PRELID2: variants seen among roughly 807,000 people sequenced by gnomAD.
The protein encoded by PRELID2 is PRELI domain-containing protein 2.
A neutral mutation model predicts 28.4 loss-of-function variants in PRELID2; 25 were observed. The observed-to-expected ratio is 0.88, with a 90% CI of 0.64 to 1.23. The LOEUF is 1.23. Ranked by LOEUF, PRELID2 falls within the 50% of genes most tolerant of loss-of-function variation. The pLI is 0.00. For missense variants in PRELID2, 201 were observed against 214.4 expected, an observed-to-expected ratio of 0.94 and a Z score of 0.39; for synonymous variants, 76 against 71.6, an observed-to-expected ratio of 1.06 and a Z score of -0.31.
intron 1 of PRELID2, among the ~76,000 whole-genome samples, chr5:145,711,346 C>T (rs77173143): frequency 0.036 from 5,413 of 152,214 alleles, 132 homozygotes; most frequent in Non-Finnish European, 0.053. Flanking sequence ...AACCAAAGTC[C>T]AGAAAATAGT....
At chr5:145,611,164 CA>C (rs1334368988) in intron 1 of PRELID2, among the ~76,000 whole-genome samples, 5 of 151,698 alleles carry the variant, frequency 3.3e-5, no homozygotes, top group Non-Finnish European at 5.9e-5. Flanking sequence ...ACGAATTTAG[CA>C]AGGTCAATTT....
chr5:145,637,266 C>A (rs1042045175), intron 1 of PRELID2, among the ~76,000 whole-genome samples: 1 of 152,154 alleles, frequency 6.6e-6, no homozygotes, highest in African/African-American at 2.4e-5. Flanking sequence ...TCATAAAAAT[C>A]CAATGAAGGA....
At chr5:145,397,293 G>A in the PRELID2 span, among the ~76,000 whole-genome samples, 1 of 152,052 alleles carries the variant, frequency 6.6e-6, no homozygotes, top group African/African-American at 2.4e-5. Flanking sequence ...AAAGTACTCT[G>A]AAAATAAAAA....
chr5:145,506,389 G>A (rs947479704), intron 1 of PRELID2, among the ~76,000 whole-genome samples: 2 of 152,136 alleles, frequency 1.3e-5, no homozygotes, highest in Admixed American at 6.6e-5. Flanking sequence ...GCATGGGTCT[G>A]CTGGTCAGTT....
rs1754276905 is a variant in PRELID2 at position 145,650,563 on chromosome 5, TATATATATATATAG to T, written n.70+114354_70+114367del. Among the ~76,000 whole-genome samples the T allele has an allele frequency of 2.9e-5, 4 of 135,700 alleles. 1 individual carries two copies. The Middle Eastern group carries it at 0.011, about 374-fold the overall frequency. The allele number at this position is 135,700 out of a possible 152,430, so 89.0% of individuals were successfully genotyped here. On this transcript the variant is annotated intron_variant and non_coding_transcript_variant, in intron 1 of 2. Coordinates refer to the PRELID2 transcript ENST00000510259. Reference sequence around the variant, plus strand: ...ATATATATATATATATATATATATATATATATATATATAGACTAAAATATTTTTTTTAATTTGGT... The same window carrying T: ...ATATATATATATATATATATATATATACTAAAATATTTTTTTTAATTTGGT...
chr5:145,720,551 C>T (rs1755960556), intron 1 of PRELID2, among the ~76,000 whole-genome samples: 1 of 151,956 alleles, frequency 6.6e-6, no homozygotes, highest in Non-Finnish European at 1.5e-5. Context: ...TAAATAAAAA[C>T]TAGTTTTACA....
At chr5:145,398,078 T>C in the PRELID2 span, among the ~76,000 whole-genome samples, 1 of 152,128 alleles carries the variant, frequency 6.6e-6, no homozygotes, top group Non-Finnish European at 1.5e-5. Context: ...ATCTTTTCTC[T>C]AGCCATGGCA....
chr5:145,681,865 C>A (rs1754942475), intron 1 of PRELID2, among the ~76,000 whole-genome samples: 1 of 152,166 alleles, frequency 6.6e-6, no homozygotes, highest in Non-Finnish European at 1.5e-5. Flanking sequence ...TCATACCCAG[C>A]TTTGAAATGT....
intron 1 of PRELID2, among the ~76,000 whole-genome samples, chr5:145,826,435 T>C (rs1272337235): frequency 6.6e-6 from 1 of 152,186 alleles, no homozygotes; most frequent in South Asian, 2.1e-4. Context: ...TGCATACATA[T>C]GCCATGTATG....
chr5:145,645,277 T>C (rs911922487), intron 1 of PRELID2, among the ~76,000 whole-genome samples: 1 of 151,984 alleles, frequency 6.6e-6, no homozygotes, highest in Non-Finnish European at 1.5e-5. Flanking sequence ...ATGCCTTCTT[T>C]GTCTCTTGAT....
At chr5:145,641,701 T>G (rs967444794) in intron 1 of PRELID2, among the ~76,000 whole-genome samples, 4 of 152,234 alleles carry the variant, frequency 2.6e-5, no homozygotes, top group African/African-American at 9.6e-5. Context: ...GTGTGTGATG[T>G]TCCCCTCCCT....
chr5:145,654,038 C>T lies in PRELID2; in HGVS notation n.70+110893G>A, dbSNP rs947773507. Reference sequence around the variant, plus strand: ...AAGAAGAAAAGAGAGAAGAATCAAACAGATGCAATAAAAAATGATAAAGGG... The same window carrying T: ...AAGAAGAAAAGAGAGAAGAATCAAATAGATGCAATAAAAAATGATAAAGGG... On this transcript the variant is annotated intron_variant and non_coding_transcript_variant, in intron 1 of 2. Transcript: ENST00000510259. Among the ~76,000 whole-genome samples, 6 of 151,860 alleles carry T rather than the reference C, an allele frequency of 4.0e-5. No individual in the cohort carries two copies. In the East Asian group the frequency reaches 5.8e-4, roughly 15 times the overall value.
At chr5:145,819,854 G>A (rs566490627) in intron 3 of PRELID2, 91 bp downstream of exon 3, 16 of 804,504 alleles carry the variant, frequency 2.0e-5, no homozygotes, top group East Asian at 7.6e-5. Flanking sequence ...AGTTTCTAAC[G>A]CTCCTTTACA....
rs139003742 is a variant in PRELID2, at chr5:145,532,141, G to A, written n.71-58826C>T. 2.2e-3 allele frequency among the ~76,000 whole-genome samples: 338 copies of A among 151,986 alleles called. 1 individual carries two copies. The highest frequency in any genetic ancestry group is 7.4e-3 in the African/African-American group (306 of 41,458). On this transcript the variant is annotated intron_variant and non_coding_transcript_variant, in intron 1 of 2. Coordinates refer to the PRELID2 transcript ENST00000510259. ...CTGTCTTGCCTTACGTCTCTAATGC[G>A]GTGGTTAAAAGCATGAGTTTTGAAG... is the stretch of plus-strand genomic sequence containing the variant.
the PRELID2 span, among the ~76,000 whole-genome samples, chr5:145,325,381 G>A: frequency 0.056 from 8,488 of 152,236 alleles, 309 homozygotes; most frequent in East Asian, 0.11. Context: ...ACTATAAGAG[G>A]CATGAAAGAA....
At chr5:145,243,548 A>T in the PRELID2 span, among the ~76,000 whole-genome samples, 2 of 152,110 alleles carry the variant, frequency 1.3e-5, no homozygotes, top group Non-Finnish European at 2.9e-5. Flanking sequence ...AAAGAAGGCT[A>T]TGAAAGCTAT....
chr5:145,565,896 A>G (rs1444583053), intron 1 of PRELID2, among the ~76,000 whole-genome samples: 2 of 152,238 alleles, frequency 1.3e-5, no homozygotes, highest in Admixed American at 1.3e-4. Context: ...TAAAATAATC[A>G]GATTATTCTG....
At chr5:145,275,762 T>C in the PRELID2 span, among the ~76,000 whole-genome samples, 2 of 152,138 alleles carry the variant, frequency 1.3e-5, no homozygotes, top group Non-Finnish European at 2.9e-5. Context: ...GGCTATTTAG[T>C]CCAATGGTTA....
intron 1 of PRELID2, among the ~76,000 whole-genome samples, chr5:145,509,075 G>A (rs192912033): frequency 6.6e-6 from 1 of 152,276 alleles, no homozygotes; most frequent in African/African-American, 2.4e-5. Context: ...TCCTGCAAGA[G>A]GTAAGAGATA....
Sources: allele counts gnomAD v4.1 joint callset (sites outside exome capture counted in the v4.1 genomes callset), GRCh38; gene constraint gnomAD v4.1.1; transcripts MANE v1.5; gene names NCBI Gene and HGNC (gene_info 2026-07-23, HGNC 2026-07-21).